SLC1A1: variants seen among roughly 807,000 people sequenced by gnomAD.
SLC1A1 encodes excitatory amino acid transporter 3.
SLC1A1 carries 43 observed loss-of-function variants against 53.3 expected under a neutral mutation model. The observed-to-expected ratio is 0.81, with a 90% CI of 0.63 to 1.04. The LOEUF (loss-of-function observed/expected upper bound fraction) is 1.04. Ranked by LOEUF, SLC1A1 falls within the 50% of genes least tolerant of loss-of-function variation. The pLI is 0.00. For missense variants in SLC1A1, 748 were observed against 664.9 expected (o/e 1.12, Z -1.37); for synonymous variants, 307 against 243.2 (o/e 1.26, Z -2.44).
At chr9:4,513,933 A>C (rs1249972609) in intron 1 of SLC1A1, among the ~76,000 whole-genome samples, 10 of 152,232 alleles carry the variant, frequency 6.6e-5, no homozygotes. Context: ...TGAAAAAACC[A>C]GTCTCACAAC....
At chr9:4,552,736 C>T (rs1043951989) in intron 2 of SLC1A1, among the ~76,000 whole-genome samples, 30 of 151,566 alleles carry the variant, frequency 2.0e-4, no homozygotes, top group African/African-American at 7.0e-4. Context: ...AGCTGTGAAA[C>T]CTTGGATTTT....
At chr9:4,518,161 G>T (rs1005239676) in intron 1 of SLC1A1, among the ~76,000 whole-genome samples, 1 of 143,054 alleles carries the variant, frequency 7.0e-6, no homozygotes, top group Admixed American at 6.9e-5. Context: ...GCTGAACCTG[G>T]GAGGCAGAGG....
intron 1 of SLC1A1, among the ~76,000 whole-genome samples, chr9:4,532,462 A>C (rs868628784): frequency 9.2e-5 from 14 of 152,206 alleles, no homozygotes; most frequent in South Asian, 2.1e-4. Context: ...AAAGGGTATC[A>C]GTGATGGAAG....
Position 4,585,658 on chromosome 9 carries a change from A to G in SLC1A1, c.*100A>G, listed in dbSNP as rs1012999773. The G allele has an allele frequency of 4.2e-6, 6 of 1,421,230 alleles. No homozygotes were observed. Among genetic ancestry groups the G allele is most frequent in the Non-Finnish European group, 5.9e-6 (6 of 1,010,616 alleles). 88.0% of individuals were successfully genotyped at this position (1,421,230 alleles called of 1,614,324 possible). ...AAGAGAAACACTAATGGCCAAGTGT[A>G]CATTTGATTTGATATACAGACCTCC... is the stretch of plus-strand genomic sequence containing the variant. On this transcript the variant is annotated 3_prime_UTR_variant, in exon 12 of 12. Transcript: ENST00000262352.
intron 6 of SLC1A1, 100 bp downstream of exon 6, chr9:4,567,867 T>G: frequency 1.2e-6 from 1 of 833,704 alleles, no homozygotes; most frequent in East Asian, 2.6e-5. Context: ...AGAATCGCAT[T>G]TGCAAATTCA....
At chr9:4,519,965 T>C (rs898454328) in intron 1 of SLC1A1, among the ~76,000 whole-genome samples, 2 of 152,232 alleles carry the variant, frequency 1.3e-5, no homozygotes, top group Admixed American at 6.5e-5. Context: ...ACTTTATCTA[T>C]AGGGATTTTC....
intron 1 of SLC1A1, among the ~76,000 whole-genome samples, chr9:4,538,422 A>T (rs754171554): frequency 7.2e-5 from 11 of 152,202 alleles, no homozygotes; most frequent in East Asian, 1.9e-4. Flanking sequence ...CGGAGGGATA[A>T]CTTTGAATAG....
At position 4,586,257 on chromosome 9, in the gene SLC1A1, T is replaced by A. The variant is rs1268776326; in HGVS notation, c.*699T>A. On this transcript the variant is annotated 3_prime_UTR_variant, in exon 12 of 12. Coordinates refer to ENST00000262352, the MANE Select transcript of SLC1A1 (RefSeq NM_004170.6). ...TATATATTTATTATTTTCATATAAT[T>A]TGCCAGACAGAGATCAGAATTGAAC... 1 of 151,894 alleles carries A rather than the reference T, an allele frequency of 6.6e-6. No individual in the cohort carries two copies. Among genetic ancestry groups the A allele is most frequent in the Admixed American group, 6.6e-5 (1 of 15,238 alleles). The allele number at this position is 151,894 out of a possible 1,614,324, so 9.4% of individuals were successfully genotyped here.
intron 1 of SLC1A1, among the ~76,000 whole-genome samples, chr9:4,491,340 C>G (rs1312307004): frequency 6.6e-6 from 1 of 152,232 alleles, no homozygotes; most frequent in African/African-American, 2.4e-5. Context: ...CGCCGACTGC[C>G]TGCACCCGGG....
Position 4,578,880 on chromosome 9 carries a change from T to C in SLC1A1, c.1193+2117T>C, listed in dbSNP as rs76943903. ...GGGATTAGAGTTAACCTGAAGACTT[T>C]TGTTCAGTTTAGAATGGAAGTTTAA... is the stretch of plus-strand genomic sequence containing the variant. On this transcript the variant is annotated intron_variant, in intron 10 of 11. Coordinates refer to ENST00000262352, the MANE Select transcript of SLC1A1 (RefSeq NM_004170.6). 9.4e-3 allele frequency among the ~76,000 whole-genome samples: 1,436 copies of C among 152,328 alleles called. 15 individuals carry two copies. The highest frequency in any genetic ancestry group is 0.033 in the African/African-American group (1,370 of 41,562).
intron 6 of SLC1A1, among the ~76,000 whole-genome samples, chr9:4,568,708 A>T (rs893103334): frequency 2.6e-5 from 4 of 151,992 alleles, no homozygotes; most frequent in African/African-American, 9.7e-5. Context: ...AAAAAAAAAA[A>T]AAAACATACA....
intron 3 of SLC1A1, among the ~76,000 whole-genome samples, chr9:4,563,771 C>A (rs1586805932): frequency 6.6e-6 from 1 of 152,114 alleles, no homozygotes. Context: ...AGAGATGAAC[C>A]TTCTCTCCCT....
In SLC1A1 at chr9:4,572,797, C is replaced by G. The variant is rs370339263; in HGVS notation, c.767+409C>G. On this transcript the variant is annotated intron_variant, in intron 7 of 11. Coordinates refer to ENST00000262352, the MANE Select transcript of SLC1A1 (RefSeq NM_004170.6). ...CTCCTAGGCTCAAGCAATCTACCCA[C>G]TTCATCCTCCCAAAATGCTGGAATT... Among the ~76,000 whole-genome samples, 60 of 152,298 alleles carry G rather than the reference C, an allele frequency of 3.9e-4. No individual in the cohort carries two copies. The East Asian group carries it at 8.1e-3, about 21-fold the overall frequency.
chr9:4,550,337 C>T (rs1318610915), intron 2 of SLC1A1, among the ~76,000 whole-genome samples: 1 of 152,134 alleles, frequency 6.6e-6, no homozygotes, highest in Non-Finnish European at 1.5e-5. Context: ...GTTAGGATTT[C>T]AAAATTTTTA....
rs998415078 is a variant in SLC1A1, at chr9:4,499,009, A to T, written c.91+8239A>T. Reference sequence around the variant, plus strand: ...TATATTATATATAAGATTATATATTATATATATATAAGATTACATATTATA... The same window carrying T: ...TATATTATATATAAGATTATATATTTTATATATATAAGATTACATATTATA... On this transcript the variant is annotated intron_variant, in intron 1 of 11. Coordinates refer to ENST00000262352, the MANE Select transcript of SLC1A1 (RefSeq NM_004170.6). Among the ~76,000 whole-genome samples, 13 of 142,774 alleles carry T rather than the reference A, an allele frequency of 9.1e-5. No homozygotes were observed. In the East Asian group the frequency reaches 2.2e-3, roughly 24 times the overall value. 93.7% of individuals were successfully genotyped at this position (142,774 alleles called of 152,430 possible).
At chr9:4,536,951 C>A (rs1325340188) in intron 1 of SLC1A1, among the ~76,000 whole-genome samples, 2 of 151,874 alleles carry the variant, frequency 1.3e-5, no homozygotes, top group South Asian at 2.1e-4. Flanking sequence ...GGACAAAAAA[C>A]CAAACACTGC....
chr9:4,525,906 A>C (rs1156614783), intron 1 of SLC1A1, among the ~76,000 whole-genome samples: 2 of 152,216 alleles, frequency 1.3e-5, no homozygotes, highest in African/African-American at 4.8e-5. Context: ...CACAACATAG[A>C]TTTATAAGAT....
rs563620705 is a variant in SLC1A1, at chr9:4,525,642, A to G, written c.92-18925A>G. ...ATAGAAACTAGATAATAGAAAAATG[A>G]TAGTGTGAAAAGGATACTGTAAGTT... On this transcript the variant is annotated intron_variant, in intron 1 of 11. Coordinates refer to ENST00000262352, the MANE Select transcript of SLC1A1 (RefSeq NM_004170.6). Among the ~76,000 whole-genome samples, 285 of 152,310 alleles carry G rather than the reference A, an allele frequency of 1.9e-3. 1 individual carries two copies. The highest frequency in any genetic ancestry group is 6.5e-3 in the African/African-American group (272 of 41,568).
intron 1 of SLC1A1, among the ~76,000 whole-genome samples, chr9:4,514,222 G>A (rs1342982082): frequency 6.6e-6 from 1 of 152,162 alleles, no homozygotes; most frequent in African/African-American, 2.4e-5. Context: ...ATGCCCTTAA[G>A]AGTCAGTTGG....
Sources: allele counts gnomAD v4.1 joint callset (sites outside exome capture counted in the v4.1 genomes callset), GRCh38; gene constraint gnomAD v4.1.1; transcripts MANE v1.5; gene names NCBI Gene and HGNC (gene_info 2026-07-23, HGNC 2026-07-21).